NKIRAS1: variants seen among roughly 807,000 people sequenced by gnomAD.
NKIRAS1 encodes the protein NF-kappa-B inhibitor-interacting Ras-like protein 1.
NKIRAS1 carries 16 observed loss-of-function variants against 19.8 expected under a neutral mutation model. That is an observed-to-expected ratio of 0.81 (90% CI 0.55 to 1.23). The LOEUF (loss-of-function observed/expected upper bound fraction) is 1.23. Ranked by LOEUF, NKIRAS1 falls within the 50% of genes most tolerant of loss-of-function variation. The pLI, the probability that NKIRAS1 is intolerant of heterozygous loss-of-function variation, is 0.00. For synonymous variants in NKIRAS1, 88 were observed against 79.0 expected (o/e 1.11, Z -0.61); for missense variants, 184 against 220.0 (o/e 0.84, Z 1.04).
chr3:23,945,550 G>A (rs1412060857), intron 1 of NKIRAS1: 29 of 1,149,308 alleles, frequency 2.5e-5, no homozygotes, highest in Non-Finnish European at 3.1e-5. Context: ...CGGGAAGCGG[G>A]CGGCCCCGGC....
upstream of NKIRAS1, chr3:23,917,250 C>G (rs911474181): frequency 6.6e-6 from 1 of 152,522 alleles, no homozygotes; most frequent in African/African-American, 2.4e-5. Context: ...GTCCGGGGAC[C>G]CTGCGTCCTC....
At chr3:23,916,637 G>A (rs1214397643) in intron 1 of NKIRAS1, 147 bp downstream of exon 1, 1 of 152,530 alleles carries the variant, frequency 6.6e-6, no homozygotes, top group Non-Finnish European at 1.5e-5. Context: ...CTGGGAGGCT[G>A]GGGAAGCGTC....
chr3:23,905,565 G>A (rs1215945860), intron 3 of NKIRAS1, among the ~76,000 whole-genome samples: 1 of 152,116 alleles, frequency 6.6e-6, no homozygotes, highest in Non-Finnish European at 1.5e-5. Flanking sequence ...ACTATTTGAG[G>A]AGACCCTCCA....
intron 1 of NKIRAS1, among the ~76,000 whole-genome samples, chr3:23,942,239 A>G (rs1035358303): frequency 1.3e-5 from 2 of 152,004 alleles, no homozygotes; most frequent in Non-Finnish European, 2.9e-5. Context: ...TTGACCTCTC[A>G]AAGTGCTGGG....
chr3:23,890,408 C>A lies in NKIRAS1; in HGVS notation c.*2687G>T, dbSNP rs559325930. 1.3e-4 allele frequency: 144 copies of A among 1,077,188 alleles called. No individual in the cohort carries two copies. Among genetic ancestry groups the A allele is most frequent in the Admixed American group, 5.6e-4 (21 of 37,656 alleles). 66.7% of individuals were successfully genotyped at this position (1,077,188 alleles called of 1,614,324 possible). ...GGTGTTTCGAAGATGGGTTTGATCA[C>A]ACATACTTTGTCGTACGTATCTACC... On this transcript the variant is annotated 3_prime_UTR_variant, in exon 5 of 5. Transcript: ENST00000425478.
At chr3:23,901,172 T>C in intron 3 of NKIRAS1, 123 bp from the exon 4 acceptor site, 2 of 1,085,340 alleles carry the variant, frequency 1.8e-6, no homozygotes, top group Non-Finnish European at 1.3e-6. Flanking sequence ...ATCACATTTC[T>C]ATTTTACTTT....
intron 4 of NKIRAS1, among the ~76,000 whole-genome samples, chr3:23,898,173 G>C (rs866953306): frequency 6.6e-6 from 1 of 152,052 alleles, no homozygotes; most frequent in African/African-American, 2.4e-5. Flanking sequence ...TGGGAAATAC[G>C]GGGGAGAGGA....
At chr3:23,942,179 A>C (rs995276674) in intron 1 of NKIRAS1, among the ~76,000 whole-genome samples, 1 of 151,982 alleles carries the variant, frequency 6.6e-6, no homozygotes, top group African/African-American at 2.4e-5. Context: ...GGGTTTTGTC[A>C]AGTTGGCCAG....
intron 4 of NKIRAS1, 85 bp from the exon 5 acceptor site, chr3:23,893,422 T>G: frequency 8.2e-7 from 1 of 1,215,726 alleles, no homozygotes; most frequent in Non-Finnish European, 1.2e-6. Context: ...GGAAAATTGT[T>G]CCACTTAACA....
At chr3:23,893,964 TGA>T (rs10539103) in intron 4 of NKIRAS1, among the ~76,000 whole-genome samples, 30,247 of 151,770 alleles carry the variant, frequency 0.2, 2,977 homozygotes, top group Non-Finnish European at 0.21. Context: ...ACTTGATGTA[TGA>T]GAGATTTGCA....
At chr3:23,914,018 T>C (rs1346282840) in intron 1 of NKIRAS1, among the ~76,000 whole-genome samples, 2 of 152,224 alleles carry the variant, frequency 1.3e-5, no homozygotes, top group African/African-American at 4.8e-5. Flanking sequence ...ATTCAATCTG[T>C]GACCTATTAA....
intron 1 of NKIRAS1, among the ~76,000 whole-genome samples, chr3:23,936,082 C>CAAAAAAAAAAAAAAAAAAAAAAAAAAAA (rs35945213): frequency 1.6e-5 from 1 of 63,908 alleles, no homozygotes; most frequent in Non-Finnish European, 2.8e-5. Flanking sequence ...GACCCTGTCT[C>CAAAAAAAAAAAAAAAAAAAAAAAAAAAA]AAAAAAAAAA....
chr3:23,908,438 GAT>G (rs1439722164), intron 3 of NKIRAS1, among the ~76,000 whole-genome samples: 9 of 152,102 alleles, frequency 5.9e-5, no homozygotes, highest in Non-Finnish European at 1.2e-4. Flanking sequence ...TGTGCGGCTG[GAT>G]TTTCTTCATA....
rs1181710900 is a variant in NKIRAS1, at chr3:23,894,648, G to A, written c.337-1311C>T. 3.3e-5 allele frequency among the ~76,000 whole-genome samples: 5 copies of A among 152,118 alleles called. No homozygotes were observed. The East Asian group carries it at 9.6e-4, about 29-fold the overall frequency. ...CTCCACCTCTGCGTCCTCCACCTCT[G>A]CTTTGAATGTTCCTTCACCTTTCCT... On this transcript the variant is annotated intron_variant, in intron 4 of 4. Transcript: ENST00000425478.
chr3:23,921,551 C>G (rs188866803), upstream of NKIRAS1: 127 of 680,686 alleles, frequency 1.9e-4, no homozygotes, highest in African/African-American at 2.1e-3. Context: ...GTAATTCACA[C>G]AGCAACATTG....
At chr3:23,945,678 G>A (rs1391083044) in intron 1 of NKIRAS1, 1 of 951,678 alleles carries the variant, frequency 1.1e-6, no homozygotes, top group Admixed American at 4.9e-5. Flanking sequence ...GGCGGCAGGG[G>A]GTGTCCCCAT....
chr3:23,918,430 T>C (rs369227929), upstream of NKIRAS1: 111 of 1,610,886 alleles, frequency 6.9e-5, no homozygotes, highest in Non-Finnish European at 9.1e-5. Flanking sequence ...TCGTGTGTGT[T>C]TGTGTGTAGG....
chr3:23,936,797 C>T (rs1033448017), intron 1 of NKIRAS1, among the ~76,000 whole-genome samples: 1 of 152,204 alleles, frequency 6.6e-6, no homozygotes, highest in East Asian at 1.9e-4. Flanking sequence ...CCGCCTGCCT[C>T]GGCCTCCCAA....
intron 3 of NKIRAS1, among the ~76,000 whole-genome samples, chr3:23,910,402 G>A (rs905911770): frequency 6.6e-5 from 10 of 152,064 alleles, no homozygotes; most frequent in Non-Finnish European, 1.5e-5. Flanking sequence ...TGATCCGCCT[G>A]CCTCGGCCTC....
Sources: allele counts gnomAD v4.1 joint callset (sites outside exome capture counted in the v4.1 genomes callset), GRCh38; gene constraint gnomAD v4.1.1; transcripts MANE v1.5; gene names NCBI Gene and HGNC (gene_info 2026-07-23, HGNC 2026-07-21).